Variants in SGO2 observed in about 807,000 individuals in gnomAD.
SGO2 encodes shugoshin 2.
A neutral mutation model predicts 99.5 loss-of-function variants in SGO2; 68 were observed. The observed-to-expected ratio is 0.68, with a 90% CI of 0.56 to 0.84. The LOEUF is 0.84. SGO2 is among the 40% of genes least tolerant of loss of function. The pLI is 0.00. For synonymous variants in SGO2, 457 were observed against 487.1 expected (o/e 0.94, Z 0.81); for missense variants, 1,350 against 1,436.7 (o/e 0.94, Z 0.97).
chr2:200,544,468 G>A (rs1305982118), intron 5 of SGO2, among the ~76,000 whole-genome samples: 1 of 152,124 alleles, frequency 6.6e-6, no homozygotes, highest in African/African-American at 2.4e-5. Flanking sequence ...TTTTAATAGG[G>A]ACAGGATTTT....
Position 200,571,809 on chromosome 2 carries a change from T to C in SGO2, c.1463T>C (p.Leu488Pro), listed in dbSNP as rs895247644. The part of the protein sequence containing the change: ...GFEQGDRENV[L>P]CNKKEKRITN... ...GAACAAGGTGACAGAGAAAATGTAC[T>C]GTGTAATAAAAAGGAGAAAAGAATA... Residue 488 changes from leucine (L) to proline (P), a missense_variant, in exon 7 of 9, where the codon CTG becomes CCG. Coordinates refer to ENST00000357799, the MANE Select transcript of SGO2 (RefSeq NM_152524.6). The C allele has an allele frequency of 1.2e-6, 2 of 1,613,248 alleles. No homozygotes were observed. The highest frequency in any genetic ancestry group is 1.3e-5 in the African/African-American group (1 of 74,868).
intron 5 of SGO2, among the ~76,000 whole-genome samples, chr2:200,550,669 A>G (rs903007758): frequency 2.6e-5 from 4 of 152,194 alleles, no homozygotes; most frequent in Non-Finnish European, 4.4e-5. Context: ...ATCTCTCACC[A>G]TACACAAAAA....
intron 5 of SGO2, among the ~76,000 whole-genome samples, chr2:200,562,991 C>A (rs1370754194): frequency 8.5e-5 from 13 of 152,176 alleles, no homozygotes; most frequent in Admixed American, 8.5e-4. Context: ...AATATACAAT[C>A]ATGTCATCTG....
At chr2:200,528,428 C>T (rs2031209026) in intron 1 of SGO2, among the ~76,000 whole-genome samples, 1 of 152,056 alleles carries the variant, frequency 6.6e-6, no homozygotes, top group African/African-American at 2.4e-5. Flanking sequence ...GCTGGGTCAG[C>T]ATAATTGATC....
chr2:200,572,726 A>G lies in SGO2; in HGVS notation c.2380A>G (p.Met794Val), dbSNP rs773162989. Residue 794 changes from methionine to valine, a missense_variant, in exon 7 of 9, where the codon ATG becomes GTG. Met to Val is a conservative substitution (Grantham distance 21). Coordinates refer to ENST00000357799, the MANE Select transcript of SGO2 (RefSeq NM_152524.6). ...TTTGGGGGTGAAACATGGCCATGAT[A>G]TGCAACCTGCTTGTCAAAATGATTC... ...NVLGVKHGHDMQPACQNDSKI... is the reference protein window; with the variant it reads ...NVLGVKHGHDVQPACQNDSKI... 42 of 1,613,018 alleles carry G rather than the reference A, an allele frequency of 2.6e-5. No individual in the cohort carries two copies. The highest frequency in any genetic ancestry group is 8.9e-5 in the East Asian group (4 of 44,864).
In SGO2 at chr2:200,535,090, A is replaced by G. The variant is rs370470622; in HGVS notation, c.228A>G (p.Thr76=). Residue 76 remains threonine (T), a synonymous_variant, in exon 3 of 9, where the codon ACA becomes ACG. Transcript: ENST00000357799. ...AAAAAGAGAATTCTCGAAGAATTAC[A>G]ACTGAAAAGATGCTATTGCAAAAAG... ...SREKENSRRI[T]TEKMLLQKEV... is the part of the protein sequence containing the mutation. The G allele has an allele frequency of 3.1e-4, 484 of 1,569,046 alleles. 1 individual carries two copies. Among genetic ancestry groups the G allele is most frequent in the Non-Finnish European group, 3.9e-4 (460 of 1,165,716 alleles).
At position 200,573,256 on chromosome 2, in the gene SGO2, G is replaced by T; in HGVS notation, c.2910G>T (p.Lys970Asn). 1.9e-6 allele frequency: 3 copies of T among 1,596,932 alleles called. No homozygotes were observed. The highest frequency in any genetic ancestry group is 2.6e-6 in the Non-Finnish European group (3 of 1,175,350). ...KHYMEVNSNE[K>N]ESCDQILDSY... is the part of the protein sequence containing the mutation. ...ATATGGAAGTCAACAGTAATGAAAA[G>T]GAAAGTTGTGATCAAATTTTAGATT... The change falls in exon 7 of 9, where the codon AAG (lysine) becomes AAT (asparagine). Residue 970 changes from lysine (K) to asparagine (N), a missense_variant. Transcript: ENST00000357799.
At chr2:200,560,950 A>T (rs1439186667) in intron 5 of SGO2, among the ~76,000 whole-genome samples, 3 of 152,206 alleles carry the variant, frequency 2.0e-5, no homozygotes, top group Admixed American at 2.0e-4. Flanking sequence ...TTTTCAAGTC[A>T]ATATAGAAAA....
chr2:200,542,531 A>T (rs1266689265), intron 4 of SGO2, 48 bp from the exon 5 acceptor site: 2 of 1,445,874 alleles, frequency 1.4e-6, no homozygotes, highest in African/African-American at 2.8e-5. Context: ...AACTAACATG[A>T]TTTAATAAGG....
intron 5 of SGO2, among the ~76,000 whole-genome samples, chr2:200,544,454 G>T (rs2106316655): frequency 6.6e-6 from 1 of 152,164 alleles, no homozygotes; most frequent in South Asian, 2.1e-4. Context: ...GCTAATTTTT[G>T]TATTTTTAAT....
At chr2:200,574,754 T>C (rs570591024) in intron 7 of SGO2, among the ~76,000 whole-genome samples, 1 of 152,070 alleles carries the variant, frequency 6.6e-6, no homozygotes, top group African/African-American at 2.4e-5. Context: ...CCATTTACCA[T>C]GTGCATGCAG....
At chr2:200,577,776 A>T (rs1286943368) in intron 8 of SGO2, among the ~76,000 whole-genome samples, 1 of 150,994 alleles carries the variant, frequency 6.6e-6, no homozygotes, top group Non-Finnish European at 1.5e-5. Context: ...TTTTCTCATG[A>T]TTGCAATGCA....
At chr2:200,576,208 C>T (rs1574886495) in intron 8 of SGO2, 1 of 219,944 alleles carries the variant, frequency 4.5e-6, no homozygotes, top group Non-Finnish European at 9.0e-6. Flanking sequence ...AATTAAGGAC[C>T]AAGGGGCCTT....
intron 4 of SGO2, among the ~76,000 whole-genome samples, chr2:200,538,910 T>C (rs141311961): frequency 3.2e-4 from 48 of 152,270 alleles, no homozygotes; most frequent in African/African-American, 1.1e-3. Context: ...TTAAGATTTT[T>C]CTATTGTTAG....
At chr2:200,539,178 T>C (rs2031841078) in intron 4 of SGO2, among the ~76,000 whole-genome samples, 1 of 152,148 alleles carries the variant, frequency 6.6e-6, no homozygotes, top group African/African-American at 2.4e-5. Flanking sequence ...GTTGACTTTA[T>C]TTATCCTGTG....
chr2:200,531,203 C>A (rs1168546506), intron 1 of SGO2, among the ~76,000 whole-genome samples: 3 of 152,066 alleles, frequency 2.0e-5, no homozygotes, highest in Admixed American at 2.0e-4. Context: ...TACACAGATA[C>A]AGGTATGGTA....
Position 200,571,867 on chromosome 2 carries a change from C to G in SGO2, c.1521C>G (p.Ser507=), listed in dbSNP as rs1354522698. The G allele has an allele frequency of 6.2e-7, 1 of 1,613,366 alleles. No individual in the cohort carries two copies. The highest frequency in any genetic ancestry group is 1.1e-5 in the South Asian group (1 of 91,000). The change falls in exon 7 of 9, where the codon TCC becomes TCG. Residue 507 remains serine, a synonymous_variant. Transcript: ENST00000357799. ...TNEQEETYSL[S]QSSGKFHQES... is the part of the protein sequence containing the mutation. The stretch of plus-strand genomic sequence containing the variant: ...AGCAAGAGGAAACATACTCTTTATC[C>G]CAAAGTTCAGGTAAATTTCACCAGG...
intron 5 of SGO2, among the ~76,000 whole-genome samples, chr2:200,554,138 C>T (rs535109241): frequency 9.9e-5 from 15 of 152,272 alleles, no homozygotes; most frequent in African/African-American, 3.6e-4. Context: ...TTTTCAAATT[C>T]TAGAGAAATC....
chr2:200,543,359 A>C (rs2032056305), intron 5 of SGO2: 1 of 152,180 alleles, frequency 6.6e-6, no homozygotes, highest in Non-Finnish European at 1.5e-5. Flanking sequence ...TCCTGTGCAC[A>C]ATTCTCATTT....
Sources: gnomAD v4.1 joint callset for allele counts (sites outside exome capture counted in the v4.1 genomes callset) on GRCh38, gnomAD v4.1.1 for gene constraint, MANE v1.5 for transcripts, NCBI Gene and HGNC (gene_info 2026-07-23, HGNC 2026-07-21) for gene names.